NID1: variants seen among roughly 807,000 people sequenced by gnomAD.
NID1 encodes the protein nidogen-1.
Under a neutral mutation model 130.6 loss-of-function variants are expected in NID1, and 76 were observed. The ratio of observed to expected loss-of-function variants is 0.58; its 90% CI spans 0.48 to 0.70. NID1 has a LOEUF of 0.70. NID1 is among the 30% of genes least tolerant of loss of function. The pLI is 0.00. For missense variants in NID1, 1,517 were observed against 1,664.8 expected (o/e 0.91, Z 1.54); for synonymous variants, 665 against 675.1 (o/e 0.98, Z 0.23).
At chr1:236,017,642 C>G (rs1236155702) in intron 9 of NID1, among the ~76,000 whole-genome samples, 1 of 152,208 alleles carries the variant, frequency 6.6e-6, no homozygotes, top group East Asian at 1.9e-4. Context: ...CCTTGGCCTC[C>G]CAAAGTGCTG....
intron 7 of NID1, among the ~76,000 whole-genome samples, chr1:236,029,294 AATAC>A (rs1198577950): frequency 1.3e-5 from 2 of 152,250 alleles, no homozygotes; most frequent in South Asian, 4.1e-4. Flanking sequence ...GCTGAAAAGA[AATAC>A]ACTTAAATGT....
Position 235,993,872 on chromosome 1 carries a change from T to C in NID1, c.2528A>G (p.Glu843Gly), listed in dbSNP as rs1264857488. 1.9e-6 allele frequency: 3 copies of C among 1,607,010 alleles called. No individual in the cohort carries two copies. Among genetic ancestry groups the C allele is most frequent in the Non-Finnish European group, 2.6e-6 (3 of 1,174,286 alleles). The change falls in exon 13 of 20, where the codon GAG becomes GGG. Residue 843 changes from glutamate to glycine, a missense_variant and splice_region_variant. Glu to Gly is a moderately conservative substitution (Grantham distance 98). Around this residue, in one of 3 missense-constraint regions of NID1, gnomAD observed 1,329 missense variants for 1,429.2 expected, o/e 0.93. Coordinates refer to ENST00000264187, the MANE Select transcript of NID1 (RefSeq NM_002508.3). Reference sequence around the variant, plus strand: ...GTGCTGGCACCGGGTTTTCTCCACCTCTATCAGAGAAACAGGCAACAAGAA... The same window carrying C: ...GTGCTGGCACCGGGTTTTCTCCACCCCTATCAGAGAAACAGGCAACAAGAA... ...QGDGFRCVPGEVEKTRCQHER... is the reference protein window; with the variant it reads ...QGDGFRCVPGGVEKTRCQHER...
chr1:235,978,857 G>C, intron 19 of NID1, 138 bp downstream of exon 19: 1 of 617,832 alleles, frequency 1.6e-6, no homozygotes, highest in Non-Finnish European at 2.9e-6. Context: ...TGCTAATGAA[G>C]ACCCTGGATG....
chr1:236,050,856 T>A (rs1399971633), intron 1 of NID1, among the ~76,000 whole-genome samples: 1 of 152,146 alleles, frequency 6.6e-6, no homozygotes, highest in Non-Finnish European at 1.5e-5. Context: ...GGTGGGTGGA[T>A]CATTTGAGGC....
In NID1 at chr1:236,029,575, C is replaced by T. The variant is rs935821024; in HGVS notation, c.1713G>A (p.Thr571=). 13 of 1,570,462 alleles carry T rather than the reference C, an allele frequency of 8.3e-6. No individual in the cohort carries two copies. The highest frequency in any genetic ancestry group is 3.8e-5 in the Admixed American group (2 of 52,786). The change falls in exon 7 of 20, where the codon ACG becomes ACA. Residue 571 remains threonine (T), a synonymous_variant. Transcript: ENST00000264187. ...CTGAGGTGGAGTAGTGGTACAGCTC[C>T]GTGTAGGGCTCAATGTGCACGGAGG... ...FGSSVHIEPY[T]ELYHYSTSVI... is the part of the protein sequence containing the mutation.
At chr1:235,995,733 G>A (rs146201602) in intron 12 of NID1, among the ~76,000 whole-genome samples, 1 of 152,300 alleles carries the variant, frequency 6.6e-6, no homozygotes, top group South Asian at 2.1e-4. Context: ...AGCTCCCCAG[G>A]GCTGAGTCCA....
At chr1:236,063,866 C>T (rs995467362) in intron 1 of NID1, among the ~76,000 whole-genome samples, 1 of 152,232 alleles carries the variant, frequency 6.6e-6, no homozygotes, top group African/African-American at 2.4e-5. Flanking sequence ...GGGCAGTCAA[C>T]CAACATGGGG....
intron 6 of NID1, among the ~76,000 whole-genome samples, chr1:236,031,258 G>A (rs1659090329): frequency 6.6e-6 from 1 of 151,908 alleles, no homozygotes; most frequent in Non-Finnish European, 1.5e-5. Flanking sequence ...AGCTGGGACT[G>A]CAGGTGCCCG....
chr1:236,042,381 G>A (rs1446023963), intron 3 of NID1, 89 bp from the exon 4 acceptor site: 1 of 1,493,956 alleles, frequency 6.7e-7, no homozygotes. Flanking sequence ...GAGGATCTGT[G>A]TTGGTCTGCA....
chr1:236,049,972 G>T (rs1013167678), intron 1 of NID1, among the ~76,000 whole-genome samples: 4 of 151,248 alleles, frequency 2.6e-5, no homozygotes, highest in Non-Finnish European at 5.9e-5. Context: ...GGAAGCGGAG[G>T]TTGCAATGAG....
intron 5 of NID1, among the ~76,000 whole-genome samples, chr1:236,036,481 A>C (rs1014219221): frequency 2.0e-5 from 3 of 152,228 alleles, no homozygotes; most frequent in African/African-American, 7.2e-5. Flanking sequence ...ACTTTTATTT[A>C]GTCAATTTTT....
rs532425710 is a variant in NID1, at chr1:236,029,201, G to T, written c.1738+349C>A. 2.0e-5 allele frequency among the ~76,000 whole-genome samples: 3 copies of T among 151,422 alleles called. No individual in the cohort carries two copies. In the South Asian group the frequency reaches 6.2e-4, roughly 31 times the overall value. Reference sequence around the variant, plus strand: ...TCAAAAAAAAAAAAAAGTACAAATAGATGTATAATAAAATTAGTTTATCAT... The same window carrying T: ...TCAAAAAAAAAAAAAAGTACAAATATATGTATAATAAAATTAGTTTATCAT... On this transcript the variant is annotated intron_variant, in intron 7 of 19. Coordinates refer to ENST00000264187, the MANE Select transcript of NID1 (RefSeq NM_002508.3).
intron 12 of NID1, among the ~76,000 whole-genome samples, chr1:236,001,749 A>G (rs1281917308): frequency 6.6e-6 from 1 of 152,220 alleles, no homozygotes; most frequent in African/African-American, 2.4e-5. Flanking sequence ...CAAACAAAGA[A>G]GGGAAAACAG....
At chr1:236,016,201 G>A (rs1658589747) in intron 10 of NID1, among the ~76,000 whole-genome samples, 3 of 151,454 alleles carry the variant, frequency 2.0e-5, no homozygotes, top group Non-Finnish European at 4.4e-5. Context: ...AATCTCAACT[G>A]TGCAGAGGGG....
At chr1:236,034,211 A>G (rs979566748) in intron 5 of NID1, among the ~76,000 whole-genome samples, 2 of 152,178 alleles carry the variant, frequency 1.3e-5, no homozygotes, top group Admixed American at 1.3e-4. Context: ...ATCTGAGATC[A>G]GGAGTTCGAG....
chr1:236,012,552 C>T (rs1248816227), intron 11 of NID1, among the ~76,000 whole-genome samples: 3 of 93,432 alleles, frequency 3.2e-5, no homozygotes, highest in African/African-American at 1.5e-4. Context: ...GAGCTAAATG[C>T]CATCTCAAAA....
At chr1:236,034,421 T>C (rs1471597423) in intron 5 of NID1, among the ~76,000 whole-genome samples, 2 of 45,906 alleles carry the variant, frequency 4.4e-5, no homozygotes, top group Non-Finnish European at 7.6e-5. Flanking sequence ...AAACTCCATC[T>C]CAAAAAAAAA....
chr1:236,041,794 C>T (rs1032718731), intron 4 of NID1, 116 bp downstream of exon 4: 8 of 1,344,884 alleles, frequency 5.9e-6, no homozygotes, highest in African/African-American at 5.9e-5. Context: ...CTTTCCCAAG[C>T]TCTTATCTTT....
At chr1:236,029,177 CAA>C (rs9287272) in intron 7 of NID1, among the ~76,000 whole-genome samples, 37,836 of 132,402 alleles carry the variant, frequency 0.29, 4,908 homozygotes, top group African/African-American at 0.3. Context: ...AACCCTGTCT[CAA>C]AAAAAAAAAA....
Sources: allele counts gnomAD v4.1 joint callset (sites outside exome capture counted in the v4.1 genomes callset), GRCh38; gene constraint gnomAD v4.1.1; regional missense constraint gnomAD v4.1.1; transcripts MANE v1.5; gene names NCBI Gene and HGNC (gene_info 2026-07-23, HGNC 2026-07-21).